Variants in MDH1 observed in about 807,000 individuals in gnomAD.
The protein encoded by MDH1 is malate dehydrogenase 1, also known as malate dehydrogenase, cytoplasmic.
Under a neutral mutation model 38.7 loss-of-function variants are expected in MDH1, and 15 were observed. The observed-to-expected ratio is 0.39, with a 90% CI of 0.26 to 0.60. The LOEUF (loss-of-function observed/expected upper bound fraction) is 0.60, where lower values mean the gene tolerates loss of function less well. MDH1 is among the 20% of genes least tolerant of loss of function. The probability of loss-of-function intolerance (pLI) is 0.56; values close to 1 mark genes in which losing one functional copy is unlikely to be tolerated. For missense variants in MDH1, 368 were observed against 405.2 expected, an observed-to-expected ratio of 0.91 and a Z score of 0.79; for synonymous variants, 144 against 143.6, an observed-to-expected ratio of 1.00 and a Z score of -0.02.
rs1161131618 is a variant in MDH1 at position 63,605,982 on chromosome 2, A to G, written c.833A>G (p.Tyr278Cys). ...SMGVISDGNS[Y>C]GVPDDLLYSF... is the part of the protein sequence containing the mutation. Reference sequence around the variant, plus strand: ...GGTGTTATCTCTGATGGCAACTCCTATGGTGTTCCTGATGATCTGCTCTAC... The same window carrying G: ...GGTGTTATCTCTGATGGCAACTCCTGTGGTGTTCCTGATGATCTGCTCTAC... Residue 278 changes from tyrosine (Y) to cysteine (C), a missense_variant, in exon 8 of 9, where the codon TAT becomes TGT. Physicochemically the swap from Tyr to Cys is radical, Grantham distance 194. Coordinates refer to ENST00000233114, the MANE Select transcript of MDH1 (RefSeq NM_005917.4). 5.6e-6 allele frequency: 9 copies of G among 1,614,030 alleles called. No individual in the cohort carries two copies. Among genetic ancestry groups the G allele is most frequent in the Middle Eastern group, 1.6e-4 (1 of 6,084 alleles).
chr2:63,588,982 G>A lies in MDH1; in HGVS notation c.-62G>A. On this transcript the variant is annotated 5_prime_UTR_variant, in exon 1 of 9. Coordinates refer to ENST00000233114, the MANE Select transcript of MDH1 (RefSeq NM_005917.4). ...CTCTCCGAGTCAGTTCCGCGGTAGA[G>A]GTGACCTGACTCTCTGAGGCTCATT... 2 of 1,613,722 alleles carry A rather than the reference G, an allele frequency of 1.2e-6. No individual in the cohort carries two copies. The highest frequency in any genetic ancestry group is 8.5e-7 in the Non-Finnish European group (1 of 1,179,644).
Position 63,605,995 on chromosome 2 carries a change from T to A in MDH1, c.846T>A (p.Asp282Glu). 1.2e-6 allele frequency: 2 copies of A among 1,614,216 alleles called. No individual in the cohort carries two copies. Among genetic ancestry groups the A allele is most frequent in the Non-Finnish European group, 1.7e-6 (2 of 1,180,010 alleles). Residue 282 changes from aspartate (D) to glutamate (E), a missense_variant, in exon 8 of 9, where the codon GAT (aspartate) becomes GAA (glutamate). By Grantham distance (45) the Asp-to-Glu change is conservative (BLOSUM62 2). Transcript: ENST00000233114. ...ISDGNSYGVP[D>E]DLLYSFPVVI... ...ATGGCAACTCCTATGGTGTTCCTGA[T>A]GATCTGCTCTACTCATTCCCTGTTG...
chr2:63,596,928 T>C (rs1205586482), intron 3 of MDH1, among the ~76,000 whole-genome samples: 1 of 152,202 alleles, frequency 6.6e-6, no homozygotes, highest in Non-Finnish European at 1.5e-5. Flanking sequence ...AAGATTAAAT[T>C]TGATAGTAAT....
At chr2:63,591,275 T>G (rs922829088) in intron 1 of MDH1, among the ~76,000 whole-genome samples, 1 of 152,228 alleles carries the variant, frequency 6.6e-6, no homozygotes, top group Non-Finnish European at 1.5e-5. Flanking sequence ...GCTTTTCAAC[T>G]GCAATGTTGC....
chr2:63,597,208 T>C, intron 3 of MDH1, 191 bp from the exon 4 acceptor site: 1 of 870,462 alleles, frequency 1.1e-6, no homozygotes, highest in African/African-American at 1.8e-5. Context: ...GCAAAATAAA[T>C]CTATTGACAT....
At chr2:63,603,493 T>C (rs1248555806) in intron 5 of MDH1, among the ~76,000 whole-genome samples, 1 of 152,094 alleles carries the variant, frequency 6.6e-6, no homozygotes, top group Admixed American at 6.5e-5. Flanking sequence ...ACAGATCAGC[T>C]TCTTAAAATA....
intron 1 of MDH1, chr2:63,590,634 T>C (rs959768827): frequency 2.6e-5 from 4 of 152,216 alleles, no homozygotes; most frequent in Non-Finnish European, 5.9e-5. Flanking sequence ...ACTCTTATAA[T>C]GTAGTCTGGT....
At chr2:63,605,174 ATT>A in intron 6 of MDH1, 104 bp from the exon 7 acceptor site, 1 of 749,666 alleles carries the variant, frequency 1.3e-6, no homozygotes. Flanking sequence ...GAGGGGAAAC[ATT>A]AAGCTCTGGT....
At chr2:63,589,218 G>C in intron 1 of MDH1, 172 bp downstream of exon 1, 3 of 1,572,558 alleles carry the variant, frequency 1.9e-6, no homozygotes, top group South Asian at 2.3e-5. Flanking sequence ...GTAATGGGAA[G>C]GGATTGATTT....
At chr2:63,601,146 T>G (rs1709410324) in intron 5 of MDH1, among the ~76,000 whole-genome samples, 1 of 152,224 alleles carries the variant, frequency 6.6e-6, no homozygotes, top group South Asian at 2.1e-4. Context: ...CCTGGGACCT[T>G]GGCTAGGCAT....
chr2:63,590,333 T>TGG (rs1266952089), intron 1 of MDH1: 9 of 152,322 alleles, frequency 5.9e-5, no homozygotes, highest in African/African-American at 1.7e-4. Context: ...TCCAAGAGTC[T>TGG]CACACTCTTG....
intron 5 of MDH1, 57 bp downstream of exon 5, chr2:63,599,349 C>A: frequency 6.5e-7 from 1 of 1,543,742 alleles, no homozygotes. Flanking sequence ...ATTTTTCTCT[C>A]ACTTTTAAAA....
intron 5 of MDH1, among the ~76,000 whole-genome samples, chr2:63,603,809 C>A (rs1289784484): frequency 6.6e-6 from 1 of 152,128 alleles, no homozygotes; most frequent in Admixed American, 6.5e-5. Context: ...AGACATGTGC[C>A]ACCAAGCCCG....
Position 63,593,571 on chromosome 2 carries a change from A to G in MDH1, c.4-917A>G, listed in dbSNP as rs1709243421. On this transcript the variant is annotated intron_variant, in intron 1 of 8. Coordinates refer to ENST00000233114, the MANE Select transcript of MDH1 (RefSeq NM_005917.4). ...TCATCTGGAAGAAGGAACTTTAAGT[A>G]AAAAGAAACCAAACACTTCTGGGCT... 1.3e-5 allele frequency: 6 copies of G among 471,524 alleles called. No homozygotes were observed. The East Asian group carries it at 2.8e-4, about 22-fold the overall frequency. The allele number at this position is 471,524 out of a possible 1,614,324, so 29.2% of individuals were successfully genotyped here.
chr2:63,604,943 C>T, intron 6 of MDH1, 71 bp downstream of exon 6: 2 of 1,492,392 alleles, frequency 1.3e-6, no homozygotes, highest in East Asian at 2.3e-5. Context: ...GGACAGAAAA[C>T]CTTAAAGAGG....
At chr2:63,589,530 G>A (rs1482313203) in intron 1 of MDH1, 4 of 777,340 alleles carry the variant, frequency 5.1e-6, no homozygotes, top group African/African-American at 3.5e-5. Context: ...TACGATCTGC[G>A]TTTGCAGCAG....
In MDH1 at chr2:63,606,849, T is replaced by A. The variant is rs1444414853; in HGVS notation, c.880-13T>A. On this transcript the variant is annotated splice_polypyrimidine_tract_variant and intron_variant, in intron 8 of 8. Coordinates refer to ENST00000233114, the MANE Select transcript of MDH1 (RefSeq NM_005917.4). The stretch of plus-strand genomic sequence containing the variant: ...TCCAGTTTAAATCTCTTATTTGCAT[T>A]ATTTTCAAACAGAATAAGACCTGGA... 6.3e-7 allele frequency: 1 copy of A among 1,592,152 alleles called. No homozygotes were observed. The highest frequency in any genetic ancestry group is 8.5e-7 in the Non-Finnish European group (1 of 1,170,586).
chr2:63,607,007 A>G lies in MDH1; in HGVS notation c.*20A>G, dbSNP rs1709546251. The G allele has an allele frequency of 6.2e-7, 1 of 1,601,570 alleles. No homozygotes were observed. Among genetic ancestry groups the G allele is most frequent in the African/African-American group, 1.3e-5 (1 of 74,324 alleles). On this transcript the variant is annotated 3_prime_UTR_variant, in exon 9 of 9. Transcript: ENST00000233114. The stretch of plus-strand genomic sequence containing the variant: ...GCCTGACTAGACAATGATGTTACTA[A>G]ATGCTTCAAAGCTGAAGAATCTAAA...
chr2:63,597,184 T>C, intron 3 of MDH1: 2 of 692,186 alleles, frequency 2.9e-6, no homozygotes, highest in Non-Finnish European at 3.6e-6. Flanking sequence ...TAAGTAATTA[T>C]TGAAACAGGA....
Sources: gnomAD v4.1 joint callset for allele counts (sites outside exome capture counted in the v4.1 genomes callset) on GRCh38, gnomAD v4.1.1 for gene constraint, MANE v1.5 for transcripts, NCBI Gene and HGNC (gene_info 2026-07-23, HGNC 2026-07-21) for gene names.